The following WWOX variants were observed in gnomAD, a reference collection of about 807,000 sequenced individuals.
WWOX encodes WW domain-containing oxidoreductase.
A neutral mutation model predicts 46.2 loss-of-function variants in WWOX; 69 were observed. The observed-to-expected ratio is 1.49, with a 90% CI of 1.23 to 1.82. The LOEUF (loss-of-function observed/expected upper bound fraction) is 1.82. Among genes scored for constraint, WWOX ranks in the 40% most tolerant of loss-of-function variants. The pLI is 0.00. For synonymous variants in WWOX, 359 were observed against 202.6 expected (o/e 1.77, Z -6.56); for missense variants, 919 against 542.6 (o/e 1.69, Z -6.89).
chr16:78,263,996 C>CTATTTTTTTT, intron 5 of WWOX, among the ~76,000 whole-genome samples: 1 of 78,816 alleles, frequency 1.3e-5, no homozygotes, highest in Non-Finnish European at 2.2e-5. Flanking sequence ...GCTGTGAAAT[C>CTATTTTTTTT]TTTTTTTTTT....
At chr16:78,995,032 G>A (rs1471074739) in intron 8 of WWOX, among the ~76,000 whole-genome samples, 3 of 131,776 alleles carry the variant, frequency 2.3e-5, no homozygotes, top group Admixed American at 9.1e-5. Context: ...TGCACAATGC[G>A]CTGAGAAAGG....
chr16:78,478,767 G>A (rs1472448590), intron 8 of WWOX, among the ~76,000 whole-genome samples: 1 of 152,154 alleles, frequency 6.6e-6, no homozygotes, highest in Non-Finnish European at 1.5e-5. Context: ...CAATCTAGCA[G>A]TTCAAACTAG....
At chr16:78,285,520 C>T (rs1742481319) in intron 5 of WWOX, among the ~76,000 whole-genome samples, 2 of 152,202 alleles carry the variant, frequency 1.3e-5, no homozygotes, top group Middle Eastern at 3.4e-3. Flanking sequence ...CATGAAGCCC[C>T]ATAGGATGGC....
intron 8 of WWOX, among the ~76,000 whole-genome samples, chr16:78,737,579 C>T (rs899464585): frequency 6.6e-6 from 1 of 152,176 alleles, no homozygotes; most frequent in African/African-American, 2.4e-5. Context: ...TTTTATTCCT[C>T]ACCCTACTCC....
intron 5 of WWOX, among the ~76,000 whole-genome samples, chr16:78,306,331 T>A (rs757304336): frequency 5.3e-5 from 8 of 152,150 alleles, no homozygotes; most frequent in Admixed American, 1.3e-4. Flanking sequence ...CCAGTGTGTT[T>A]CCATGGGTTG....
chr16:78,395,590 C>CT (rs2082266283), intron 6 of WWOX, among the ~76,000 whole-genome samples: 1 of 152,050 alleles, frequency 6.6e-6, no homozygotes, highest in Non-Finnish European at 1.5e-5. Context: ...CAGGAATGAT[C>CT]TTTACAATGC....
At chr16:78,644,206 G>A (rs150468301) in intron 8 of WWOX, among the ~76,000 whole-genome samples, 4,898 of 151,918 alleles carry the variant, frequency 0.032, 285 homozygotes, top group African/African-American at 0.11. Flanking sequence ...TGGGCAACGA[G>A]CGAAACTCTG....
At chr16:78,410,014 C>T (rs915309724) in intron 6 of WWOX, among the ~76,000 whole-genome samples, 6 of 152,132 alleles carry the variant, frequency 3.9e-5, no homozygotes, top group African/African-American at 1.4e-4. Context: ...GGTGGGTGTG[C>T]TGGGAGGTAT....
At chr16:78,756,857 A>T in intron 8 of WWOX, 2 of 700,150 alleles carry the variant, frequency 2.9e-6, no homozygotes, top group Non-Finnish European at 5.2e-6. Context: ...AGGGTATTGC[A>T]GACATCAGAG....
intron 5 of WWOX, among the ~76,000 whole-genome samples, chr16:78,352,120 C>T (rs1015250727): frequency 4.6e-5 from 7 of 152,186 alleles, no homozygotes; most frequent in African/African-American, 1.4e-4. Flanking sequence ...AGCTGCACCT[C>T]GGCCTATGCG....
At position 78,435,184 on chromosome 16, in the gene WWOX, G is replaced by C. The variant is rs1042112018; in HGVS notation, c.1056+2432G>C. On this transcript the variant is annotated intron_variant, in intron 8 of 8. Transcript: ENST00000566780. Reference sequence around the variant, plus strand: ...GAGTATGGGGTTAGAAATGGAGGCAGAGGGACTACCATGTCGGGGAGGATG... The same window carrying C: ...GAGTATGGGGTTAGAAATGGAGGCACAGGGACTACCATGTCGGGGAGGATG... Among the ~76,000 whole-genome samples, 3 of 152,104 alleles carry C rather than the reference G, an allele frequency of 2.0e-5. No homozygotes were observed. The East Asian group carries it at 5.8e-4, about 29-fold the overall frequency.
At chr16:78,146,961 C>G (rs1199996064) in intron 4 of WWOX, among the ~76,000 whole-genome samples, 1 of 152,100 alleles carries the variant, frequency 6.6e-6, no homozygotes, top group Admixed American at 6.5e-5. Context: ...CTCACAGAAG[C>G]AGAAACTTAG....
At chr16:78,313,392 G>A (rs2080287443) in intron 5 of WWOX, among the ~76,000 whole-genome samples, 1 of 152,122 alleles carries the variant, frequency 6.6e-6, no homozygotes, top group South Asian at 2.1e-4. Flanking sequence ...TTGAGATGGA[G>A]TTTCACTCTT....
At chr16:78,538,850 G>T (rs904888267) in intron 8 of WWOX, among the ~76,000 whole-genome samples, 1 of 152,150 alleles carries the variant, frequency 6.6e-6, no homozygotes. Context: ...GTTTATTTCT[G>T]TTCATTTGGT....
At chr16:78,970,006 C>G (rs566638894) in intron 8 of WWOX, among the ~76,000 whole-genome samples, 5 of 152,034 alleles carry the variant, frequency 3.3e-5, no homozygotes, top group Non-Finnish European at 7.4e-5. Flanking sequence ...GTATATGAAT[C>G]ATATCTCAAC....
intron 8 of WWOX, among the ~76,000 whole-genome samples, chr16:79,110,347 A>G (rs1048667653): frequency 9.2e-5 from 14 of 151,596 alleles, no homozygotes; most frequent in Non-Finnish European, 1.5e-4. Flanking sequence ...ACCTCCCCCC[A>G]TCATTCCAGC....
intron 8 of WWOX, among the ~76,000 whole-genome samples, chr16:78,788,813 T>TG (rs1227752589): frequency 2.0e-5 from 3 of 152,152 alleles, no homozygotes; most frequent in Non-Finnish European, 4.4e-5. Context: ...TCTGGGGGTA[T>TG]GGGGGGCAGT....
At chr16:78,361,270 A>G (rs751334833) in intron 5 of WWOX, among the ~76,000 whole-genome samples, 1 of 152,182 alleles carries the variant, frequency 6.6e-6, no homozygotes, top group African/African-American at 2.4e-5. Context: ...CTTTCTTAGT[A>G]TATTATCTCA....
intron 8 of WWOX, among the ~76,000 whole-genome samples, chr16:78,906,090 C>T (rs552579058): frequency 1.3e-5 from 2 of 152,126 alleles, no homozygotes; most frequent in African/African-American, 4.8e-5. Flanking sequence ...TGGTTAGGGA[C>T]CTTGAGTAAA....
Sources: gnomAD v4.1 joint callset for allele counts (sites outside exome capture counted in the v4.1 genomes callset) on GRCh38, gnomAD v4.1.1 for gene constraint, MANE v1.5 for transcripts, NCBI Gene and HGNC (gene_info 2026-07-23, HGNC 2026-07-21) for gene names.